The following GRAMD1B variants were observed in gnomAD, a reference collection of about 807,000 sequenced individuals.
GRAMD1B encodes protein Aster-B.
Under a neutral mutation model 99.7 loss-of-function variants are expected in GRAMD1B, and 37 were observed. That is an observed-to-expected ratio of 0.37 (90% confidence interval 0.29 to 0.49). The LOEUF (loss-of-function observed/expected upper bound fraction) is 0.49, where lower values mean the gene tolerates loss of function less well. Among genes scored for constraint, GRAMD1B ranks in the 20% least tolerant of loss-of-function variants. The pLI, the probability that GRAMD1B is intolerant of heterozygous loss-of-function variation, is 0.98. For missense variants in GRAMD1B, 888 were observed against 1,009.2 expected (o/e 0.88, Z 1.63); for synonymous variants, 427 against 387.6 (o/e 1.10, Z -1.19).
intron 1 of GRAMD1B, among the ~76,000 whole-genome samples, chr11:123,371,615 T>C (rs867987638): frequency 1.1e-4 from 16 of 152,232 alleles, no homozygotes; most frequent in African/African-American, 3.4e-4. Flanking sequence ...CATCCAATCA[T>C]GCATATTCTG....
At chr11:123,384,671 T>A (rs1055529788) in intron 1 of GRAMD1B, among the ~76,000 whole-genome samples, 4 of 152,248 alleles carry the variant, frequency 2.6e-5, no homozygotes, top group Admixed American at 6.5e-5. Flanking sequence ...TAGCAAATAC[T>A]ACTTGAATGA....
chr11:123,526,624 AG>A (rs562979475), intron 2 of GRAMD1B, among the ~76,000 whole-genome samples: 82 of 152,228 alleles, frequency 5.4e-4, no homozygotes, highest in African/African-American at 1.8e-3. Flanking sequence ...TTCTCACGTC[AG>A]CTGCTTAGGG....
In GRAMD1B at chr11:123,610,310, C is replaced by T. The variant is rs1216696944; in HGVS notation, c.1891C>T (p.Arg631Cys). The T allele has an allele frequency of 1.9e-6, 3 of 1,613,992 alleles. No homozygotes were observed. The highest frequency in any genetic ancestry group is 2.5e-6 in the Non-Finnish European group (3 of 1,179,866). ...FYTINRYTLTRVARNKSRLRV... is the reference protein window; with the variant it reads ...FYTINRYTLTCVARNKSRLRV... ...CACAATCAATCGCTACACGCTCACC[C>T]GTGTGGCTCGGAACAAGAGCCGACT... The change falls in exon 14 of 20, where the codon CGT becomes TGT. Residue 631 changes from arginine (R) to cysteine (C), a missense_variant. This residue lies in a region of GRAMD1B where 92 missense variants were observed against 156.9 expected (regional missense o/e 0.59). Transcript: ENST00000635736. The surrounding 1 kb of genome is among the most constrained non-coding windows in gnomAD (Gnocchi z 4.1).
At chr11:123,422,969 T>C (rs752889988) in intron 1 of GRAMD1B, among the ~76,000 whole-genome samples, 2 of 152,180 alleles carry the variant, frequency 1.3e-5, no homozygotes, top group African/African-American at 2.4e-5. Flanking sequence ...TTGAAGCAAC[T>C]GAGGCCAGAG....
chr11:123,549,776 C>T (rs958240811), intron 2 of GRAMD1B, among the ~76,000 whole-genome samples: 13 of 152,152 alleles, frequency 8.5e-5, no homozygotes, highest in Admixed American at 6.5e-5. Flanking sequence ...TAACTCCTCC[C>T]TTAGTCTGAA....
In GRAMD1B at chr11:123,528,947, C is replaced by T. The variant is rs567754169; in HGVS notation, c.452+48054C>T. ...ATTTCAGAGTGGGGACTAACTACCA[C>T]GCAACAGCATGGTGTGTCAGTCAGG... On this transcript the variant is annotated intron_variant, in intron 2 of 19. Transcript: ENST00000635736. Among the ~76,000 whole-genome samples the T allele has an allele frequency of 1.9e-3, 295 of 152,314 alleles. 2 individuals are homozygous for T. Among genetic ancestry groups the T allele is most frequent in the African/African-American group, 6.7e-3 (277 of 41,564 alleles).
intron 2 of GRAMD1B, among the ~76,000 whole-genome samples, chr11:123,571,605 T>C: frequency 6.6e-6 from 1 of 151,950 alleles, no homozygotes; most frequent in East Asian, 1.9e-4. Flanking sequence ...AATGGGGAAA[T>C]GAATGAATGA....
intron 1 of GRAMD1B, among the ~76,000 whole-genome samples, chr11:123,458,131 G>C (rs1195992157): frequency 6.6e-6 from 1 of 152,114 alleles, no homozygotes; most frequent in Non-Finnish European, 1.5e-5. Flanking sequence ...AGAGGGGAGG[G>C]GATTAGGGGA....
chr11:123,598,728 G>T (rs770483034), intron 7 of GRAMD1B: 3 of 904,220 alleles, frequency 3.3e-6, no homozygotes, highest in Non-Finnish European at 5.6e-6. Flanking sequence ...GTCAAGATGG[G>T]CTCCAGCCTG....
intron 18 of GRAMD1B, 120 bp from the exon 19 acceptor site, chr11:123,618,987 G>A (rs999422026): frequency 7.7e-5 from 53 of 688,972 alleles, no homozygotes; most frequent in African/African-American, 7.6e-4. Flanking sequence ...GGAACCGGGG[G>A]CAGTGAGCAG....
At chr11:123,521,752 C>G (rs541856858) in intron 2 of GRAMD1B, among the ~76,000 whole-genome samples, 6 of 152,210 alleles carry the variant, frequency 3.9e-5, no homozygotes, top group Admixed American at 6.5e-5. Context: ...TTTATCCTTA[C>G]AGTGAGAGTG....
In GRAMD1B at chr11:123,618,690, T is replaced by C. The variant is rs1434123834; in HGVS notation, c.2319-3T>C. 3.3e-6 allele frequency: 5 copies of C among 1,528,474 alleles called. No homozygotes were observed. Among genetic ancestry groups the C allele is most frequent in the Non-Finnish European group, 4.5e-6 (5 of 1,115,114 alleles). 94.7% of individuals were successfully genotyped at this position (1,528,474 alleles called of 1,614,324 possible). On this transcript the variant is annotated splice_region_variant and splice_polypyrimidine_tract_variant and intron_variant, in intron 17 of 19. Coordinates refer to ENST00000635736, the MANE Select transcript of GRAMD1B (RefSeq NM_001387025.1). ...TGTTTTTTTCCCCACGTCTCCTTCC[T>C]AGTCTGGTGCTGCTGGTCATCCTTA...
At chr11:123,394,273 G>GT (rs1947380360) in intron 1 of GRAMD1B, among the ~76,000 whole-genome samples, 1 of 152,136 alleles carries the variant, frequency 6.6e-6, no homozygotes, top group Non-Finnish European at 1.5e-5. Flanking sequence ...CAGCTTTCTA[G>GT]TTTATAATTT....
chr11:123,545,187 C>T (rs1462782363), intron 2 of GRAMD1B, among the ~76,000 whole-genome samples: 5 of 152,216 alleles, frequency 3.3e-5, no homozygotes, highest in African/African-American at 1.2e-4. Context: ...AGTGAGGTGC[C>T]CGCATCAGTT....
In GRAMD1B at chr11:123,492,228, G is replaced by A. The variant is rs1274545500; in HGVS notation, c.452+11335G>A. Among the ~76,000 whole-genome samples, 1 of 152,050 alleles carries A rather than the reference G, an allele frequency of 6.6e-6. No homozygotes were observed. The highest frequency in any genetic ancestry group is 2.4e-5 in the African/African-American group (1 of 41,390). ...TTACTTTTCTCCTTTATGATAAGTTGCTCCAGTCCATAAAGAACTTGGAAA... is the reference window on the plus strand; with the variant it reads ...TTACTTTTCTCCTTTATGATAAGTTACTCCAGTCCATAAAGAACTTGGAAA... On this transcript the variant is annotated intron_variant, in intron 2 of 19. Coordinates refer to ENST00000635736, the MANE Select transcript of GRAMD1B (RefSeq NM_001387025.1). This position sits in a 1 kb window ranked among gnomAD's most constrained non-coding sequence, Gnocchi z 4.2.
intron 1 of GRAMD1B, among the ~76,000 whole-genome samples, chr11:123,421,668 C>G (rs901528437): frequency 1.3e-5 from 2 of 152,138 alleles, no homozygotes; most frequent in Admixed American, 1.3e-4. Context: ...AACTGTCAGA[C>G]AGAATTAATA....
intron 2 of GRAMD1B, among the ~76,000 whole-genome samples, chr11:123,485,931 G>A (rs1273136771): frequency 4.6e-5 from 7 of 152,062 alleles, no homozygotes; most frequent in Non-Finnish European, 8.8e-5. Context: ...GGCCAGGCTG[G>A]TCTAGAACTC....
At chr11:123,502,756 C>T (rs1447172798) in intron 2 of GRAMD1B, among the ~76,000 whole-genome samples, 4 of 123,670 alleles carry the variant, frequency 3.2e-5, no homozygotes, top group Middle Eastern at 6.1e-3. Context: ...GCCTGGGTGG[C>T]AGAGCGAGAC....
chr11:123,417,685 C>T (rs1201842545), intron 1 of GRAMD1B, among the ~76,000 whole-genome samples: 1 of 152,186 alleles, frequency 6.6e-6, no homozygotes, highest in Admixed American at 6.5e-5. Context: ...GCCTGTAATC[C>T]CAGCACTTTG....
Sources: allele counts gnomAD v4.1 joint callset (sites outside exome capture counted in the v4.1 genomes callset), GRCh38; gene constraint gnomAD v4.1.1; regional missense constraint gnomAD v4.1.1; non-coding constraint Gnocchi (gnomAD v3.1); transcripts MANE v1.5; gene names NCBI Gene and HGNC (gene_info 2026-07-23, HGNC 2026-07-21).